OXNAD1: variants seen among roughly 807,000 people sequenced by gnomAD.
The protein encoded by OXNAD1 is oxidoreductase NAD binding domain containing 1, also known as oxidoreductase NAD-binding domain-containing protein 1.
Under a neutral mutation model 32.9 loss-of-function variants are expected in OXNAD1, and 34 were observed. That is an observed-to-expected ratio of 1.03 (90% CI 0.79 to 1.38). The LOEUF (loss-of-function observed/expected upper bound fraction) is 1.38. OXNAD1 is among the 40% of genes most tolerant of loss of function. The pLI is 0.00. For missense variants in OXNAD1, 407 were observed against 379.4 expected, an observed-to-expected ratio of 1.07 and a Z score of -0.60; for synonymous variants, 134 against 135.2, an observed-to-expected ratio of 0.99 and a Z score of 0.06.
At chr3:16,310,036 A>G (rs774093413), downstream of OXNAD1, among the ~76,000 whole-genome samples, 2 of 152,236 alleles carry the variant, frequency 1.3e-5, no homozygotes, top group Non-Finnish European at 2.9e-5. Context: ...GTTTGGTTTG[A>G]TACAGGGGAC....
At chr3:16,338,513 G>C (rs952405668), downstream of OXNAD1, among the ~76,000 whole-genome samples, 1 of 152,228 alleles carries the variant, frequency 6.6e-6, no homozygotes, top group Non-Finnish European at 1.5e-5. The surrounding 1 kb of genome is among the most constrained non-coding windows in gnomAD (Gnocchi z 5.3). Flanking sequence ...AACACACATT[G>C]AGTGCTTCAG....
At chr3:16,285,253 A>G (rs2065994634) in intron 4 of OXNAD1, among the ~76,000 whole-genome samples, 1 of 152,200 alleles carries the variant, frequency 6.6e-6, no homozygotes, top group Admixed American at 6.6e-5. Context: ...TAATAGTTTG[A>G]TGAGATTTAG....
intron 4 of OXNAD1, among the ~76,000 whole-genome samples, chr3:16,278,981 A>G (rs2065549598): frequency 6.6e-6 from 1 of 152,234 alleles, no homozygotes; most frequent in Admixed American, 6.5e-5. Flanking sequence ...TATGCATGTC[A>G]AGGAGATTGT....
chr3:16,344,789 A>G lies in OXNAD1; in HGVS notation c.*31-4387A>G, dbSNP rs915891394. On this transcript the variant is annotated intron_variant, in intron 9 of 9. Coordinates refer to the OXNAD1 transcript ENST00000606098. The surrounding 1 kb of genome is among the most constrained non-coding windows in gnomAD (Gnocchi z 4.4). ...ACCCATAGGCCCTTCCTTTTTATTT[A>G]GTTGTATTAAAAGCCTTGGCCAGGT... Among the ~76,000 whole-genome samples the G allele has an allele frequency of 6.6e-6, 1 of 152,170 alleles. No individual in the cohort carries two copies. Among genetic ancestry groups the G allele is most frequent in the African/African-American group, 2.4e-5 (1 of 41,418 alleles).
At chr3:16,306,918 T>G (rs1010273691), downstream of OXNAD1, among the ~76,000 whole-genome samples, 1 of 152,244 alleles carries the variant, frequency 6.6e-6, no homozygotes, top group East Asian at 1.9e-4. Flanking sequence ...AATATAATGG[T>G]CTTCATCAAA....
In OXNAD1 at chr3:16,334,104, G is replaced by T. The variant is rs1217066537; in HGVS notation, c.*31-3008G>T. On this transcript the variant is annotated intron_variant, in intron 9 of 9. Transcript: ENST00000435829. The surrounding 1 kb of genome is among the most constrained non-coding windows in gnomAD (Gnocchi z 4.3). ...GGCTTGAACCTAGGAGGCAGAAGCT[G>T]CAGTGAGCCGAGATCGTGCCACTGC... 6.6e-6 allele frequency among the ~76,000 whole-genome samples: 1 copy of T among 152,222 alleles called. No individual in the cohort carries two copies. Among genetic ancestry groups the T allele is most frequent in the East Asian group, 1.9e-4 (1 of 5,196 alleles).
chr3:16,339,991 G>C (rs1281812449), downstream of OXNAD1: 1 of 152,204 alleles, frequency 6.6e-6, no homozygotes, highest in African/African-American at 2.4e-5. Flanking sequence ...AATTTGCCAG[G>C]ATGCTGTGTT....
At chr3:16,278,434 C>G (rs1351111240) in intron 4 of OXNAD1, among the ~76,000 whole-genome samples, 2 of 152,164 alleles carry the variant, frequency 1.3e-5, no homozygotes, top group Non-Finnish European at 1.5e-5. Flanking sequence ...ATTTTAATTT[C>G]TATTTCACAG....
At chr3:16,309,816 A>G (rs1408063777), downstream of OXNAD1, among the ~76,000 whole-genome samples, 2 of 152,218 alleles carry the variant, frequency 1.3e-5, no homozygotes, top group Admixed American at 6.5e-5. Flanking sequence ...GGGTAGGACT[A>G]TGCAATTTAA....
chr3:16,266,943 A>C (rs1471000158), intron 1 of OXNAD1, among the ~76,000 whole-genome samples: 1 of 152,222 alleles, frequency 6.6e-6, no homozygotes, highest in Non-Finnish European at 1.5e-5. Context: ...ATTTCCGGTC[A>C]AATACTCTGT....
Position 16,295,006 on chromosome 3 carries a change from A to G in OXNAD1, c.432+9A>G. ...TCTGGGTTCACAATACGGTAAGCAC[A>G]CTGCCTGTTTAAACGCGATGATCTG... On this transcript the variant is annotated intron_variant, in intron 6 of 8. Transcript: ENST00000285083. The G allele has an allele frequency of 6.2e-7, 1 of 1,603,004 alleles. No homozygotes were observed. The highest frequency in any genetic ancestry group is 8.5e-7 in the Non-Finnish European group (1 of 1,175,302).
Position 16,303,365 on chromosome 3 carries a change from A to G in OXNAD1, c.785-43A>G, listed in dbSNP as rs1319441537. 1 of 1,606,344 alleles carries G rather than the reference A, an allele frequency of 6.2e-7. No individual in the cohort carries two copies. Among genetic ancestry groups the G allele is most frequent in the Non-Finnish European group, 8.5e-7 (1 of 1,174,964 alleles). ...TAGTCCTTCCTCATTTGCTGATACA[A>G]CCATGTCTGGCTTAATTTGGTGTTT... is the stretch of plus-strand genomic sequence containing the variant. On this transcript the variant is annotated intron_variant, in intron 8 of 8. Transcript: ENST00000285083. The surrounding 1 kb of genome is among the most constrained non-coding windows in gnomAD (Gnocchi z 4.8).
downstream of OXNAD1, among the ~76,000 whole-genome samples, chr3:16,309,031 A>G (rs2067770529): frequency 6.6e-6 from 1 of 152,194 alleles, no homozygotes; most frequent in South Asian, 2.1e-4. Flanking sequence ...TCCCTTGCCT[A>G]GAAGGAACTT....
At chr3:16,267,480 C>T (rs1330025216) in intron 1 of OXNAD1, among the ~76,000 whole-genome samples, 2 of 150,868 alleles carry the variant, frequency 1.3e-5, no homozygotes, top group Non-Finnish European at 2.9e-5. Flanking sequence ...TCCAGTCACA[C>T]TGGCCTTGGT....
intron 9 of OXNAD1, among the ~76,000 whole-genome samples, chr3:16,324,612 G>C (rs1574963117): frequency 1.4e-5 from 1 of 71,064 alleles, no homozygotes; most frequent in Non-Finnish European, 2.9e-5. Flanking sequence ...GAATGTCCCT[G>C]ACCCCCCCCC....
At chr3:16,340,289 T>G (rs2071230909), downstream of OXNAD1, among the ~76,000 whole-genome samples, 1 of 152,250 alleles carries the variant, frequency 6.6e-6, no homozygotes. Context: ...GCTAGCACAT[T>G]GGGGCTTGCC....
At chr3:16,340,210 G>A (rs980993728), downstream of OXNAD1, among the ~76,000 whole-genome samples, 1 of 152,208 alleles carries the variant, frequency 6.6e-6, no homozygotes, top group Non-Finnish European at 1.5e-5. Context: ...TTGACTCTGA[G>A]CTGGTTTTGT....
downstream of OXNAD1, among the ~76,000 whole-genome samples, chr3:16,340,389 C>T (rs1179161232): frequency 6.6e-6 from 1 of 152,262 alleles, no homozygotes; most frequent in Non-Finnish European, 1.5e-5. Flanking sequence ...AGGCTCTGTT[C>T]TAGCCAACTG....
In OXNAD1 at chr3:16,335,157, G is replaced by A. The variant is rs690555; in HGVS notation, c.*31-1955G>A. 0.67 allele frequency among the ~76,000 whole-genome samples: 101,231 copies of A among 152,148 alleles called. 33,842 individuals carry two copies. Among genetic ancestry groups the A allele is most frequent in the African/African-American group, 0.7 (28,999 of 41,512 alleles). ...GTCACTAAATCTGTGATTTGTTGCC[G>A]CAGCAACAGGAAATTAATCCACAGC... is the stretch of plus-strand genomic sequence containing the variant. On this transcript the variant is annotated intron_variant, in intron 9 of 9. Transcript: ENST00000435829. This position sits in a 1 kb window ranked among gnomAD's most constrained non-coding sequence, Gnocchi z 4.7.
Sources: gnomAD v4.1 joint callset for allele counts (sites outside exome capture counted in the v4.1 genomes callset) on GRCh38, gnomAD v4.1.1 for gene constraint, Gnocchi (gnomAD v3.1) non-coding constraint, MANE v1.5 for transcripts, NCBI Gene and HGNC (gene_info 2026-07-23, HGNC 2026-07-21) for gene names.